CHRNA7: variants seen among roughly 807,000 people sequenced by gnomAD.
CHRNA7 encodes neuronal acetylcholine receptor subunit alpha-7.
In CHRNA7, 17 loss-of-function variants were observed where a neutral mutation model predicts 48.0. That is an observed-to-expected ratio of 0.35 (90% CI 0.24 to 0.53). The LOEUF is 0.53. Among genes scored for constraint, CHRNA7 ranks in the 20% least tolerant of loss-of-function variants. CHRNA7 has a pLI of 0.92. For synonymous variants in CHRNA7, 75 were observed against 242.3 expected (o/e 0.31, Z 6.41); for missense variants, 155 against 577.7 (o/e 0.27, Z 7.50).
chr15:32,114,129 T>TACAC (rs551550393), intron 4 of CHRNA7, among the ~76,000 whole-genome samples: 7 of 142,748 alleles, frequency 4.9e-5, no homozygotes, highest in African/African-American at 1.6e-4. Context: ...TACATATACA[T>TACAC]ACACACACAC....
chr15:32,132,119 C>A (rs949842203), intron 4 of CHRNA7, among the ~76,000 whole-genome samples: 1 of 152,192 alleles, frequency 6.6e-6, no homozygotes, highest in African/African-American at 2.4e-5. Flanking sequence ...GCTGATGAGG[C>A]TGCTGGTGGA....
rs954645284 is a variant in CHRNA7 at position 32,137,632 on chromosome 15, A to G, written c.351-16275A>G. Among the ~76,000 whole-genome samples, 10 of 152,376 alleles carry G rather than the reference A, an allele frequency of 6.6e-5. No homozygotes were observed. The East Asian group carries it at 1.7e-3, about 26-fold the overall frequency. Reference sequence around the variant, plus strand: ...AACAAGTCTTACCCAATATATAGATATAGATACAGATATAGAAAAAATGCA... The same window carrying G: ...AACAAGTCTTACCCAATATATAGATGTAGATACAGATATAGAAAAAATGCA... On this transcript the variant is annotated intron_variant, in intron 4 of 9. Coordinates refer to ENST00000306901, the MANE Select transcript of CHRNA7 (RefSeq NM_000746.6).
chr15:32,041,255 C>T (rs1450707606), intron 2 of CHRNA7, among the ~76,000 whole-genome samples: 3 of 152,154 alleles, frequency 2.0e-5, no homozygotes, highest in Non-Finnish European at 4.4e-5. Context: ...GTTCCTTTCT[C>T]TACTTCAACA....
intron 2 of CHRNA7, among the ~76,000 whole-genome samples, chr15:32,041,013 A>AT (rs559732778): frequency 1.1e-3 from 166 of 152,276 alleles, no homozygotes; most frequent in African/African-American, 3.9e-3. Flanking sequence ...CATGTAAGTC[A>AT]GATGTAATTC....
At chr15:32,114,760 A>C (rs951659858) in intron 4 of CHRNA7, among the ~76,000 whole-genome samples, 1 of 152,256 alleles carries the variant, frequency 6.6e-6, no homozygotes, top group Non-Finnish European at 1.5e-5. Context: ...AGTGACTTAA[A>C]GCAAACAACT....
intron 4 of CHRNA7, among the ~76,000 whole-genome samples, chr15:32,150,830 A>G (rs886514884): frequency 6.6e-6 from 1 of 152,142 alleles, no homozygotes; most frequent in South Asian, 2.1e-4. Context: ...TTTGTGCCCA[A>G]TCACCATTTA....
intron 4 of CHRNA7, among the ~76,000 whole-genome samples, chr15:32,140,262 T>G (rs1202689703): frequency 1.3e-5 from 2 of 152,214 alleles, no homozygotes; most frequent in East Asian, 3.8e-4. Context: ...TCATCCTTTT[T>G]TATGGCTGCA....
intron 4 of CHRNA7, among the ~76,000 whole-genome samples, chr15:32,123,416 T>C (rs2051008410): frequency 6.6e-6 from 1 of 152,210 alleles, no homozygotes; most frequent in South Asian, 2.1e-4. Context: ...CTGAAGTCGA[T>C]ACCTCTAATG....
rs1252165991 is a variant in CHRNA7, at chr15:32,149,027, T to C, written c.351-4880T>C. Among the ~76,000 whole-genome samples, 1 of 152,142 alleles carries C rather than the reference T, an allele frequency of 6.6e-6. No individual in the cohort carries two copies. Among genetic ancestry groups the C allele is most frequent in the Non-Finnish European group, 1.5e-5 (1 of 68,016 alleles). ...ACCCCCTCCGTGGTGAGGGTAGGGC[T>C]CAGAGCTCTCCTCACACCAAGAGTG... On this transcript the variant is annotated intron_variant, in intron 4 of 9. Coordinates refer to ENST00000306901, the MANE Select transcript of CHRNA7 (RefSeq NM_000746.6). This position sits in a 1 kb window ranked among gnomAD's most constrained non-coding sequence, Gnocchi z 4.6.
intron 3 of CHRNA7, among the ~76,000 whole-genome samples, chr15:32,106,595 A>AT (rs1485038536): frequency 6.6e-6 from 1 of 152,114 alleles, no homozygotes; most frequent in African/African-American, 2.4e-5. Context: ...AGTTTTTATC[A>AT]TTTTGAGAGG....
chr15:32,134,864 TG>T (rs2051222468), intron 4 of CHRNA7, among the ~76,000 whole-genome samples: 1 of 152,196 alleles, frequency 6.6e-6, no homozygotes, highest in Non-Finnish European at 1.5e-5. Context: ...GAATGTCAGA[TG>T]AGACACAGTT....
At chr15:32,046,758 A>G (rs1274187000) in intron 2 of CHRNA7, among the ~76,000 whole-genome samples, 15 of 151,890 alleles carry the variant, frequency 9.9e-5, no homozygotes, top group African/African-American at 2.9e-4. Flanking sequence ...CCTATGTCCT[A>G]AATGGTAATG....
At chr15:32,080,447 A>G (rs912192991) in intron 2 of CHRNA7, among the ~76,000 whole-genome samples, 26 of 152,350 alleles carry the variant, frequency 1.7e-4, no homozygotes, top group African/African-American at 5.8e-4. Context: ...CAAATTTACA[A>G]GAAAAACACA....
chr15:32,122,887 C>CAAAAAAAAAAAA (rs61151556), intron 4 of CHRNA7, among the ~76,000 whole-genome samples: 1 of 107,916 alleles, frequency 9.3e-6, no homozygotes, highest in Non-Finnish European at 1.9e-5. Flanking sequence ...GCTCTCAAAG[C>CAAAAAAAAAAAA]AAAAAAAAAA....
At chr15:32,147,503 C>T (rs1399584155) in intron 4 of CHRNA7, among the ~76,000 whole-genome samples, 1 of 152,144 alleles carries the variant, frequency 6.6e-6, no homozygotes, top group Non-Finnish European at 1.5e-5. Flanking sequence ...CAGTGAGCCA[C>T]GATCGCACCA....
At chr15:32,056,684 C>T (rs2049793812) in intron 2 of CHRNA7, among the ~76,000 whole-genome samples, 1 of 152,198 alleles carries the variant, frequency 6.6e-6, no homozygotes, top group Non-Finnish European at 1.5e-5. Context: ...CCATCACCAT[C>T]CTAAGACAGG....
intron 2 of CHRNA7, among the ~76,000 whole-genome samples, chr15:32,047,496 G>C (rs1321900316): frequency 6.6e-6 from 1 of 152,138 alleles, no homozygotes; most frequent in African/African-American, 2.4e-5. Context: ...GTATAAGAAT[G>C]CTTGTGATTT....
chr15:32,118,268 G>A (rs1031576017), intron 4 of CHRNA7, among the ~76,000 whole-genome samples: 5 of 152,176 alleles, frequency 3.3e-5, no homozygotes, highest in African/African-American at 1.2e-4. Context: ...CGGACTCCCA[G>A]CATCCATACT....
At chr15:32,083,624 T>C (rs1023435626) in intron 2 of CHRNA7, among the ~76,000 whole-genome samples, 4 of 152,174 alleles carry the variant, frequency 2.6e-5, no homozygotes, top group Non-Finnish European at 5.9e-5. Context: ...TTAACTATTA[T>C]ATAGATTCAA....
Sources: gnomAD v4.1 joint callset for allele counts (sites outside exome capture counted in the v4.1 genomes callset) on GRCh38, gnomAD v4.1.1 for gene constraint, Gnocchi (gnomAD v3.1) non-coding constraint, MANE v1.5 for transcripts, NCBI Gene and HGNC (gene_info 2026-07-23, HGNC 2026-07-21) for gene names.